The following SATL1 variants were observed in gnomAD, a reference collection of about 807,000 sequenced individuals.
SATL1 encodes spermidine/spermine N(1)-acetyltransferase-like protein 1.
Under a neutral mutation model 51.8 loss-of-function variants are expected in SATL1, and 47 were observed. The ratio of observed to expected loss-of-function variants is 0.91; its 90% CI spans 0.72 to 1.16. The LOEUF (loss-of-function observed/expected upper bound fraction) is 1.16. Ranked by LOEUF, SATL1 falls within the 50% of genes most tolerant of loss-of-function variation. The pLI, the probability that SATL1 is intolerant of heterozygous loss-of-function variation, is 0.00. For synonymous variants in SATL1, 176 were observed against 182.4 expected (o/e 0.97, Z 0.28); for missense variants, 520 against 526.4 (o/e 0.99, Z 0.12).
intron 2 of SATL1, among the ~76,000 whole-genome samples, chrX:85,176,335 C>T (rs1264238019): frequency 9.0e-6 from 1 of 111,688 alleles, no homozygotes; most frequent in Non-Finnish European, 1.9e-5. Flanking sequence ...TATCATTTGA[C>T]TCAGCTATAT....
At chrX:85,242,031 A>G (rs1292567104) in intron 1 of SATL1, among the ~76,000 whole-genome samples, 1 of 112,268 alleles carries the variant, frequency 8.9e-6, no homozygotes, top group African/African-American at 3.2e-5. Context: ...CAAGGTAATG[A>G]TGTTAGGTAA....
intron 2 of SATL1, among the ~76,000 whole-genome samples, chrX:85,145,859 G>T (rs991133644): frequency 2.7e-5 from 3 of 109,459 alleles, no homozygotes; most frequent in Non-Finnish European, 5.7e-5. Flanking sequence ...AAGATATTTT[G>T]TAAGAGACCA....
At chrX:85,153,047 T>G (rs1926499694) in intron 2 of SATL1, among the ~76,000 whole-genome samples, 1 of 110,847 alleles carries the variant, frequency 9.0e-6, no homozygotes, top group Non-Finnish European at 1.9e-5. Context: ...ATCTCAGTTT[T>G]CAGTATATGC....
At chrX:85,185,954 G>T (rs1927306156) in intron 2 of SATL1, among the ~76,000 whole-genome samples, 1 of 110,881 alleles carries the variant, frequency 9.0e-6, no homozygotes, top group African/African-American at 3.3e-5. Flanking sequence ...AGCTAGCCTA[G>T]TTCTGGGTCT....
At chrX:85,102,667 G>T (rs1357064563) in intron 4 of SATL1, among the ~76,000 whole-genome samples, 1 of 111,287 alleles carries the variant, frequency 9.0e-6, no homozygotes, top group Non-Finnish European at 1.9e-5. Flanking sequence ...GTTTATGATT[G>T]TTACATATTA....
At chrX:85,140,746 C>T (rs1926089131) in intron 2 of SATL1, among the ~76,000 whole-genome samples, 1 of 111,727 alleles carries the variant, frequency 9.0e-6, no homozygotes. Context: ...AGCTACTGTT[C>T]CCAATGTGTA....
intron 2 of SATL1, among the ~76,000 whole-genome samples, chrX:85,160,651 A>C (rs1176451482): frequency 9.0e-6 from 1 of 111,164 alleles, no homozygotes; most frequent in Non-Finnish European, 1.9e-5. Flanking sequence ...GAAAAGGAAA[A>C]AATAAAACCT....
At chrX:85,219,301 AAC>A (rs1279974127) in intron 2 of SATL1, 1 of 112,283 alleles carries the variant, frequency 8.9e-6, no homozygotes, top group Non-Finnish European at 1.9e-5. Context: ...CTATGCTTTA[AAC>A]ACTTTACTTC....
Position 85,204,045 on chromosome X carries a change from C to T in SATL1, c.-313+20160G>A, listed in dbSNP as rs368945125. Among the ~76,000 whole-genome samples, 14 of 112,274 alleles carry T rather than the reference C, an allele frequency of 1.2e-4. No individual in the cohort carries two copies. In the East Asian group the frequency reaches 3.4e-3, roughly 27 times the overall value. ...TGCCCGAGCAGCTGCTTTGCCAGGA[C>T]TCCATGTAGCTCTGTCTGTCAGACT... is the stretch of plus-strand genomic sequence containing the variant. On this transcript the variant is annotated intron_variant, in intron 2 of 7. Transcript: ENST00000644105.
chrX:85,167,783 G>T (rs1176421385), intron 2 of SATL1, among the ~76,000 whole-genome samples: 1 of 111,033 alleles, frequency 9.0e-6, no homozygotes, highest in Non-Finnish European at 1.9e-5. Context: ...CATTCTATGA[G>T]GCTAGCATCA....
chrX:85,125,008 G>A lies in SATL1; in HGVS notation c.-312-15728C>T, dbSNP rs369654054. Among the ~76,000 whole-genome samples the A allele has an allele frequency of 8.2e-5, 9 of 109,673 alleles. No individual in the cohort carries two copies. The East Asian group carries it at 1.7e-3, about 21-fold the overall frequency. ...GCTTCCAGAGGTGAAAGGAACCAAA[G>A]CCAGACTGTCCCGGGCAGTTTCTCT... is the stretch of plus-strand genomic sequence containing the variant. On this transcript the variant is annotated intron_variant, in intron 2 of 7. Transcript: ENST00000644105.
intron 2 of SATL1, among the ~76,000 whole-genome samples, chrX:85,163,178 T>TTTGTTGTTGTTGTTG (rs199669352): frequency 1.9e-5 from 2 of 106,950 alleles, no homozygotes; most frequent in Non-Finnish European, 3.8e-5. Flanking sequence ...TCCTGGAGTT[T>TTTGTTGTTGTTGTTG]TTGTTGTTGT....
In SATL1 at chrX:85,169,280, TTAAAC is replaced by T. The variant is rs769155061; in HGVS notation, c.-313+54920_-313+54924del. Among the ~76,000 whole-genome samples the T allele has an allele frequency of 5.0e-4, 56 of 111,815 alleles. No individual in the cohort carries two copies. The South Asian group carries it at 8.1e-3, about 16-fold the overall frequency. ...GCAAAAATTGACAAATAGGATGTAA[TTAAAC>T]TAAAGAGTTTCTGCACAGCAAAAGA... On this transcript the variant is annotated intron_variant, in intron 2 of 7. Transcript: ENST00000644105.
chrX:85,094,182 A>G lies in SATL1; in HGVS notation c.1822T>C (p.Trp608Arg), dbSNP rs963895126. 3 of 1,197,039 alleles carry G rather than the reference A, an allele frequency of 2.5e-6. No individual in the cohort carries two copies. The highest frequency in any genetic ancestry group is 3.4e-6 in the Non-Finnish European group (3 of 884,038). ...FAMYYFTYDS[W>R]TGKVLYLEDF... ...TCTAGGTAAAGTACCTTGCCAGTCC[A>G]TGAGTCGTATGTAAAGTAGTACATG... Residue 608 changes from tryptophan to arginine, a missense_variant, in exon 6 of 8, where the codon TGG becomes CGG. Transcript: ENST00000644105.
chrX:85,128,759 C>G (rs1925695932), intron 2 of SATL1, among the ~76,000 whole-genome samples: 1 of 111,960 alleles, frequency 8.9e-6, no homozygotes, highest in Admixed American at 9.5e-5. Context: ...AGGTTTTCTT[C>G]TAGGGTTTTT....
chrX:85,172,672 A>G (rs997588784), intron 2 of SATL1, among the ~76,000 whole-genome samples: 4 of 111,590 alleles, frequency 3.6e-5, no homozygotes, highest in African/African-American at 1.3e-4. Flanking sequence ...TGGATCAACA[A>G]TTTAAAAAAT....
intron 2 of SATL1, among the ~76,000 whole-genome samples, chrX:85,177,611 C>A (rs1927109202): frequency 9.0e-6 from 1 of 111,110 alleles, no homozygotes; most frequent in Non-Finnish European, 1.9e-5. Flanking sequence ...AACTATATAC[C>A]CAATTTGGGT....
At chrX:85,182,611 T>G (rs1927229502) in intron 2 of SATL1, among the ~76,000 whole-genome samples, 1 of 112,045 alleles carries the variant, frequency 8.9e-6, no homozygotes, top group Non-Finnish European at 1.9e-5. Flanking sequence ...GTAGTAGAAT[T>G]GCTAAATCAT....
chrX:85,202,757 G>A lies in SATL1; in HGVS notation c.-313+21448C>T, dbSNP rs188562592. On this transcript the variant is annotated intron_variant, in intron 2 of 7. Transcript: ENST00000644105. ...CCCTTTCTGGTGATGAGCCATGGAGGGTATGCGGGGCCTAAGGGAGATGGA... is the reference window on the plus strand; with the variant it reads ...CCCTTTCTGGTGATGAGCCATGGAGAGTATGCGGGGCCTAAGGGAGATGGA... 1.4e-4 allele frequency among the ~76,000 whole-genome samples: 16 copies of A among 112,114 alleles called. No individual in the cohort carries two copies. In the East Asian group the frequency reaches 3.4e-3, roughly 24 times the overall value.
Sources: allele counts gnomAD v4.1 joint callset (sites outside exome capture counted in the v4.1 genomes callset), GRCh38; gene constraint gnomAD v4.1.1; transcripts MANE v1.5; gene names NCBI Gene and HGNC (gene_info 2026-07-23, HGNC 2026-07-21).